PLCG2: variants seen among roughly 807,000 people sequenced by gnomAD.
The protein encoded by PLCG2 is phospholipase C gamma 2, also known as 1-phosphatidylinositol 4,5-bisphosphate phosphodiesterase gamma-2.
PLCG2 carries 69 observed loss-of-function variants against 175.6 expected under a neutral mutation model. The observed-to-expected ratio is 0.39, with a 90% CI of 0.32 to 0.48. The LOEUF (loss-of-function observed/expected upper bound fraction) is 0.48. Among genes scored for constraint, PLCG2 ranks in the 20% least tolerant of loss-of-function variants. The probability of loss-of-function intolerance (pLI) is 0.91; values close to 1 mark genes in which losing one functional copy is unlikely to be tolerated. For missense variants in PLCG2, 1,798 were observed against 1,650.9 expected (o/e 1.09, Z -1.54); for synonymous variants, 827 against 624.0 (o/e 1.33, Z -4.85).
At chr16:81,770,964 A>C (rs1910266311) in intron 2 of PLCG2, among the ~76,000 whole-genome samples, 2 of 151,744 alleles carry the variant, frequency 1.3e-5, no homozygotes, top group African/African-American at 4.8e-5. Context: ...AGGCTGAGGC[A>C]GGAGAATGGT....
intron 8 of PLCG2, 30 bp from the exon 9 acceptor site, chr16:81,883,239 T>C: frequency 3.1e-6 from 5 of 1,606,294 alleles, no homozygotes; most frequent in Non-Finnish European, 4.3e-6. Flanking sequence ...TGTGTCTGTC[T>C]CTAACTGCAC....
chr16:81,743,656 G>A (rs1285851290), intron 1 of PLCG2, among the ~76,000 whole-genome samples: 1 of 152,204 alleles, frequency 6.6e-6, no homozygotes, highest in East Asian at 1.9e-4. Flanking sequence ...TCTTGTGGAT[G>A]TGAAGCCAGG....
chr16:81,876,996 C>T (rs996639505), intron 7 of PLCG2, among the ~76,000 whole-genome samples: 1 of 152,176 alleles, frequency 6.6e-6, no homozygotes, highest in Non-Finnish European at 1.5e-5. Flanking sequence ...GAGAAAAGTC[C>T]TTGCCTCCCT....
chr16:81,766,107 C>G (rs1462878127), intron 2 of PLCG2, among the ~76,000 whole-genome samples: 3 of 152,214 alleles, frequency 2.0e-5, no homozygotes, highest in Non-Finnish European at 2.9e-5. Context: ...TGTGTCCTGT[C>G]TCCTGGAGCT....
intron 2 of PLCG2, among the ~76,000 whole-genome samples, chr16:81,796,092 G>C (rs1911456984): frequency 6.6e-6 from 1 of 152,206 alleles, no homozygotes; most frequent in Non-Finnish European, 1.5e-5. Context: ...AGGAATCCAG[G>C]AGAATGAACA....
intron 3 of PLCG2, chr16:81,857,967 C>A: frequency 2.6e-6 from 1 of 385,384 alleles, no homozygotes; most frequent in Non-Finnish European, 4.8e-6. Context: ...TTAACAATGT[C>A]ATAGTGATAG....
At chr16:81,898,074 G>A (rs552539905) in intron 13 of PLCG2, 42 of 303,186 alleles carry the variant, frequency 1.4e-4, no homozygotes, top group South Asian at 9.7e-4. Flanking sequence ...CTGTGCAGTG[G>A]CAGCTTACAC....
chr16:81,958,114 G>C lies in PLCG2; in HGVS notation c.*116G>C. On this transcript the variant is annotated 3_prime_UTR_variant, in exon 33 of 33. Transcript: ENST00000564138. ...CTAATCTGTGACATCTTTTCTTCAA[G>C]CCTGCCATCAAGGACATTTCTTAAG... is the stretch of plus-strand genomic sequence containing the variant. 2.7e-6 allele frequency: 2 copies of C among 753,960 alleles called. No homozygotes were observed. The highest frequency in any genetic ancestry group is 4.7e-6 in the Non-Finnish European group (2 of 422,364). 46.7% of individuals were successfully genotyped at this position (753,960 alleles called of 1,614,324 possible). A position where few individuals can be genotyped will look rare whatever the true frequency, so the allele number is the denominator to read the frequency against.
chr16:81,869,966 C>T (rs1456053680), intron 6 of PLCG2, among the ~76,000 whole-genome samples: 2 of 152,168 alleles, frequency 1.3e-5, no homozygotes, highest in Non-Finnish European at 2.9e-5. Flanking sequence ...TGGAGGACTC[C>T]AATGCCCATT....
At chr16:81,849,318 C>G (rs1906279890) in intron 2 of PLCG2, among the ~76,000 whole-genome samples, 1 of 152,116 alleles carries the variant, frequency 6.6e-6, no homozygotes, top group Non-Finnish European at 1.5e-5. Flanking sequence ...AATGGATAGA[C>G]GTTGACAGAT....
In PLCG2 at chr16:81,871,465, A is replaced by G. The variant is rs567444784; in HGVS notation, c.648+530A>G. Among the ~76,000 whole-genome samples, 5 of 152,224 alleles carry G rather than the reference A, an allele frequency of 3.3e-5. No homozygotes were observed. In the South Asian group the frequency reaches 6.2e-4, roughly 19 times the overall value. On this transcript the variant is annotated intron_variant, in intron 7 of 32. Coordinates refer to ENST00000564138, the MANE Select transcript of PLCG2 (RefSeq NM_002661.5). ...GCGATTCTTGTGCCTTAGCCTCCCC[A>G]GTAGCTGGGATTGCAGACGTGCGCC...
intron 1 of PLCG2, among the ~76,000 whole-genome samples, chr16:81,740,887 C>G (rs139230462): frequency 1.5e-4 from 23 of 152,268 alleles, no homozygotes; most frequent in African/African-American, 5.1e-4. Flanking sequence ...TGAGGGTTCT[C>G]TTGAGTCCCT....
intron 2 of PLCG2, among the ~76,000 whole-genome samples, chr16:81,765,372 T>C (rs1910126047): frequency 6.6e-6 from 1 of 152,146 alleles, no homozygotes; most frequent in Non-Finnish European, 1.5e-5. Flanking sequence ...GGCTCATGCC[T>C]GTAATTCCAG....
chr16:81,875,166 G>A (rs914220596), intron 7 of PLCG2, among the ~76,000 whole-genome samples: 2 of 151,884 alleles, frequency 1.3e-5, no homozygotes, highest in Non-Finnish European at 2.9e-5. Flanking sequence ...GTTTCACCGT[G>A]TTGGCCAGGC....
chr16:81,941,248 C>T lies in PLCG2; in HGVS notation c.3481+1189C>T, dbSNP rs572531848. Among the ~76,000 whole-genome samples, 13 of 152,268 alleles carry T rather than the reference C, an allele frequency of 8.5e-5. No individual in the cohort carries two copies. The South Asian group carries it at 2.7e-3, about 32-fold the overall frequency. On this transcript the variant is annotated intron_variant, in intron 30 of 32. Transcript: ENST00000564138. Reference sequence around the variant, plus strand: ...CATGCTAGAAAATCCAGGTGCTGGCCGGGCACGGTGGCTCACTCCTGTAAT... The same window carrying T: ...CATGCTAGAAAATCCAGGTGCTGGCTGGGCACGGTGGCTCACTCCTGTAAT...
At position 81,921,183 on chromosome 16, in the gene PLCG2, TC is replaced by T. The variant is rs753860558; in HGVS notation, c.2236-14del. The T allele has an allele frequency of 2.2e-5, 32 of 1,439,634 alleles. No individual in the cohort carries two copies. The highest frequency in any genetic ancestry group is 2.7e-5 in the Non-Finnish European group (28 of 1,026,644). The allele number at this position is 1,439,634 out of a possible 1,614,324, so 89.2% of individuals were successfully genotyped here. ...GCATGGATTATTCCATTTCTTTCTTTCTTTTTTTTTCCAGGAAAGAGATATA... is the reference window on the plus strand; with the variant it reads ...GCATGGATTATTCCATTTCTTTCTTTTTTTTTTTTCCAGGAAAGAGATATA... On this transcript the variant is annotated splice_polypyrimidine_tract_variant and intron_variant, in intron 20 of 32. Transcript: ENST00000564138.
chr16:81,891,424 T>C, intron 10 of PLCG2, 48 bp from the exon 11 acceptor site: 1 of 1,047,150 alleles, frequency 9.5e-7, no homozygotes, highest in Non-Finnish European at 1.5e-6. Flanking sequence ...GCAGACACCA[T>C]CCTGCCCGTC....
chr16:81,830,425 G>C (rs755463314), intron 2 of PLCG2, among the ~76,000 whole-genome samples: 118 of 152,076 alleles, frequency 7.8e-4, no homozygotes, highest in Non-Finnish European at 1.4e-3. Context: ...TTGTGCCTCA[G>C]CCTTCCAAGT....
intron 29 of PLCG2, among the ~76,000 whole-genome samples, chr16:81,939,432 A>C (rs1397721703): frequency 6.6e-6 from 1 of 152,068 alleles, no homozygotes; most frequent in African/African-American, 2.4e-5. Context: ...CCAATGAACA[A>C]CTCAGATGCT....
Sources: gnomAD v4.1 joint callset for allele counts (sites outside exome capture counted in the v4.1 genomes callset) on GRCh38, gnomAD v4.1.1 for gene constraint, MANE v1.5 for transcripts, NCBI Gene and HGNC (gene_info 2026-07-23, HGNC 2026-07-21) for gene names.